Variants in GLIS3 observed in about 807,000 individuals in gnomAD.
GLIS3 encodes the protein GLIS family zinc finger 3.
Under a neutral mutation model 78.6 loss-of-function variants are expected in GLIS3, and 53 were observed. That is an observed-to-expected ratio of 0.67 (90% confidence interval 0.54 to 0.85). The LOEUF (loss-of-function observed/expected upper bound fraction) is 0.85. GLIS3 is among the 40% of genes least tolerant of loss of function. The pLI is 0.00. For missense variants in GLIS3, 1,703 were observed against 1,231.1 expected (o/e 1.38, Z -5.74); for synonymous variants, 684 against 509.9 (o/e 1.34, Z -4.60).
intron 4 of GLIS3, among the ~76,000 whole-genome samples, chr9:4,098,572 T>C (rs1171040701): frequency 6.6e-6 from 1 of 152,192 alleles, no homozygotes; most frequent in Non-Finnish European, 1.5e-5. Context: ...CTCTGCAGCA[T>C]TTCTTTCTCC....
At chr9:3,908,892 C>A (rs544884376) in intron 6 of GLIS3, among the ~76,000 whole-genome samples, 198 of 152,258 alleles carry the variant, frequency 1.3e-3, no homozygotes, top group Middle Eastern at 6.8e-3. Context: ...CTTCAATTTT[C>A]AGTTCCATTA....
chr9:4,486,332 C>T, the GLIS3 span, among the ~76,000 whole-genome samples: 2 of 152,174 alleles, frequency 1.3e-5, no homozygotes, highest in Non-Finnish European at 2.9e-5. Context: ...ATTGCTTGTT[C>T]TTCCCCTCCC....
chr9:4,123,868 T>G (rs574034), intron 3 of GLIS3: 1 of 397,892 alleles, frequency 2.5e-6, no homozygotes, highest in Non-Finnish European at 4.4e-6. Context: ...GAATTACATC[T>G]TCAGGAAAAA....
At chr9:4,026,449 T>A (rs751691201) in intron 4 of GLIS3, among the ~76,000 whole-genome samples, 6 of 152,178 alleles carry the variant, frequency 3.9e-5, no homozygotes, top group African/African-American at 1.2e-4. Context: ...AACAAAAGCA[T>A]AAAAATCTAT....
the GLIS3 span, among the ~76,000 whole-genome samples, chr9:4,420,681 T>C: frequency 1.3e-5 from 2 of 152,206 alleles, no homozygotes; most frequent in South Asian, 2.1e-4. Flanking sequence ...ACAAGAAGCA[T>C]GGGGCCCCAG....
intron 4 of GLIS3, among the ~76,000 whole-genome samples, chr9:4,043,442 G>A (rs1824996298): frequency 6.6e-6 from 1 of 152,098 alleles, no homozygotes; most frequent in Non-Finnish European, 1.5e-5. Flanking sequence ...ATTCCCAGGA[G>A]ATAATCAGGT....
chr9:4,340,532 TA>T (rs1817819248), intron 2 of GLIS3, among the ~76,000 whole-genome samples: 1 of 152,128 alleles, frequency 6.6e-6, no homozygotes, highest in African/African-American at 2.4e-5. Context: ...TTCCTGGGTC[TA>T]GGGTTAAGCT....
At chr9:4,451,890 G>C in the GLIS3 span, among the ~76,000 whole-genome samples, 1 of 146,126 alleles carries the variant, frequency 6.8e-6, no homozygotes, top group African/African-American at 2.8e-5. Context: ...GCCCACAAGA[G>C]AAAGCAGGAA....
intron 2 of GLIS3, among the ~76,000 whole-genome samples, chr9:4,213,769 T>A (rs1160069664): frequency 6.6e-6 from 1 of 151,848 alleles, no homozygotes; most frequent in Non-Finnish European, 1.5e-5. Context: ...GTGCTCTGAG[T>A]GCACATATTT....
the GLIS3 span, among the ~76,000 whole-genome samples, chr9:4,438,066 A>G: frequency 0.011 from 1,643 of 152,292 alleles, 29 homozygotes; most frequent in African/African-American, 0.037. Context: ...ATGTTTTTCA[A>G]TGGTCAGCTG....
chr9:3,903,119 T>G lies in GLIS3; in HGVS notation c.1984-4284A>C, dbSNP rs145782815. ...AAGCCTCCTTGGGACATCTGGACCTTAAAAGTTTATGTTATCTCCTGTGAG... is the reference window on the plus strand; with the variant it reads ...AAGCCTCCTTGGGACATCTGGACCTGAAAAGTTTATGTTATCTCCTGTGAG... On this transcript the variant is annotated intron_variant, in intron 6 of 10. Coordinates refer to ENST00000381971, the MANE Select transcript of GLIS3 (RefSeq NM_001042413.2). Among the ~76,000 whole-genome samples, 36 of 152,286 alleles carry G rather than the reference T, an allele frequency of 2.4e-4. 1 individual carries two copies. The highest frequency in any genetic ancestry group is 8.7e-4 in the African/African-American group (36 of 41,566).
intron 2 of GLIS3, among the ~76,000 whole-genome samples, chr9:4,196,578 C>T (rs566768814): frequency 5.3e-5 from 8 of 152,264 alleles, no homozygotes; most frequent in South Asian, 2.1e-4. Context: ...ACTCCAGACG[C>T]GCTGCCTTAA....
intron 4 of GLIS3, among the ~76,000 whole-genome samples, chr9:4,099,333 T>A (rs1325032823): frequency 6.6e-6 from 1 of 152,220 alleles, no homozygotes; most frequent in Non-Finnish European, 1.5e-5. Context: ...TATGCCTCTC[T>A]GCTAGTTTCT....
chr9:3,966,593 A>T (rs1817949863), intron 4 of GLIS3, among the ~76,000 whole-genome samples: 1 of 151,964 alleles, frequency 6.6e-6, no homozygotes, highest in East Asian at 1.9e-4. Context: ...GTCAGGAGTC[A>T]AGACCAGCCT....
chr9:3,829,596 A>G, intron 9 of GLIS3, 104 bp from the exon 10 acceptor site: 3 of 1,183,014 alleles, frequency 2.5e-6, no homozygotes, highest in Admixed American at 3.7e-5. Flanking sequence ...CCTAAGACAA[A>G]TGCCTTTAAC....
intron 4 of GLIS3, chr9:4,034,424 A>G (rs764464808): frequency 1.3e-5 from 2 of 152,192 alleles, no homozygotes; most frequent in East Asian, 3.8e-4. Flanking sequence ...GAGACCTGTA[A>G]GCATGTTCAG....
chr9:4,484,249 T>TA, the GLIS3 span, among the ~76,000 whole-genome samples: 2 of 145,294 alleles, frequency 1.4e-5, no homozygotes, highest in South Asian at 4.3e-4. Flanking sequence ...ATTTTTTTTA[T>TA]TTTTTTGAGA....
At chr9:3,925,543 C>A (rs757390601) in intron 6 of GLIS3, among the ~76,000 whole-genome samples, 7 of 152,110 alleles carry the variant, frequency 4.6e-5, no homozygotes, top group Non-Finnish European at 1.0e-4. Flanking sequence ...CTCTCATGTA[C>A]CAAAGATGTT....
chr9:4,227,166 A>G (rs762636129), intron 2 of GLIS3, among the ~76,000 whole-genome samples: 47 of 152,124 alleles, frequency 3.1e-4, no homozygotes, highest in Admixed American at 5.2e-4. Flanking sequence ...GCAACTGGCA[A>G]CCTAAGCAAG....
Sources: allele counts gnomAD v4.1 joint callset (sites outside exome capture counted in the v4.1 genomes callset), GRCh38; gene constraint gnomAD v4.1.1; transcripts MANE v1.5; gene names NCBI Gene and HGNC (gene_info 2026-07-23, HGNC 2026-07-21).